Variants in TCF24 observed in about 807,000 individuals in gnomAD.
TCF24 encodes transcription factor 24.
TCF24 carries 5 observed loss-of-function variants against 9.3 expected under a neutral mutation model. The observed-to-expected ratio is 0.54, with a 90% CI of 0.28 to 1.13. The LOEUF is 1.13. Among genes scored for constraint, TCF24 ranks in the 50% most tolerant of loss-of-function variants. The probability of loss-of-function intolerance (pLI) is 0.09; values close to 1 mark genes in which losing one functional copy is unlikely to be tolerated. For synonymous variants in TCF24, 110 were observed against 115.8 expected (o/e 0.95, Z 0.32); for missense variants, 220 against 236.1 (o/e 0.93, Z 0.45).
chr8:66,962,415 C>T lies in TCF24; in HGVS notation c.-221G>A, dbSNP rs1039082886. 6.6e-6 allele frequency: 1 copy of T among 152,444 alleles called. No homozygotes were observed. Among genetic ancestry groups the T allele is most frequent in the Non-Finnish European group, 1.5e-5 (1 of 68,230 alleles). The allele number at this position is 152,444 out of a possible 1,614,324, so 9.4% of individuals were successfully genotyped here. Reference sequence around the variant, plus strand: ...CAGGGCCTGTGTGGCCAGGGCCGCGCTGGTCACTCCATCCTCGTCCGGCCG... The same window carrying T: ...CAGGGCCTGTGTGGCCAGGGCCGCGTTGGTCACTCCATCCTCGTCCGGCCG... On this transcript the variant is annotated 5_prime_UTR_variant, in exon 1 of 4. Transcript: ENST00000563496.
At chr8:66,949,148 C>T (rs928120512) in intron 3 of TCF24, among the ~76,000 whole-genome samples, 6 of 151,040 alleles carry the variant, frequency 4.0e-5, no homozygotes, top group African/African-American at 9.8e-5. Flanking sequence ...TACATGTGCA[C>T]ATTGTGCAGG....
chr8:66,953,051 T>C (rs1814083859), intron 3 of TCF24, among the ~76,000 whole-genome samples: 1 of 140,150 alleles, frequency 7.1e-6, no homozygotes, highest in Non-Finnish European at 1.5e-5. Context: ...CTTTATCCAA[T>C]TTGCCAGTCT....
chr8:66,958,234 T>A (rs1362400612), intron 3 of TCF24, among the ~76,000 whole-genome samples: 1 of 152,164 alleles, frequency 6.6e-6, no homozygotes, highest in East Asian at 1.9e-4. Context: ...GTTGACTGAT[T>A]TACATTTTCT....
At chr8:66,953,837 T>C (rs1585943060) in intron 3 of TCF24, among the ~76,000 whole-genome samples, 1 of 152,178 alleles carries the variant, frequency 6.6e-6, no homozygotes, top group Non-Finnish European at 1.5e-5. Flanking sequence ...TCGCTTCATT[T>C]CATTCATTTC....
intron 3 of TCF24, among the ~76,000 whole-genome samples, chr8:66,956,603 C>G (rs57524076): frequency 1.3e-5 from 2 of 151,466 alleles, no homozygotes; most frequent in African/African-American, 4.9e-5. Flanking sequence ...CCGCAAGTGA[C>G]CCGCCCGCCT....
intron 3 of TCF24, among the ~76,000 whole-genome samples, chr8:66,954,680 C>A (rs1180186732): frequency 3.9e-5 from 6 of 152,272 alleles, no homozygotes; most frequent in Admixed American, 1.3e-4. Flanking sequence ...ATGGCGGGCG[C>A]CCCTCCCCCA....
chr8:66,960,397 T>C (rs1214177040), intron 3 of TCF24, among the ~76,000 whole-genome samples: 1 of 152,102 alleles, frequency 6.6e-6, no homozygotes, highest in African/African-American at 2.4e-5. Flanking sequence ...TAAAGCTAAG[T>C]CTTAAGTCTT....
intron 3 of TCF24, among the ~76,000 whole-genome samples, chr8:66,958,533 C>T (rs183170368): frequency 4.6e-4 from 70 of 152,166 alleles, no homozygotes; most frequent in South Asian, 1.2e-3. Flanking sequence ...TGGTATTGCA[C>T]GCCTATAGTC....
chr8:66,952,992 T>C (rs1465687542), intron 3 of TCF24, among the ~76,000 whole-genome samples: 1 of 137,798 alleles, frequency 7.3e-6, no homozygotes, highest in Non-Finnish European at 1.6e-5. Context: ...TGTGTGTCTC[T>C]GCACGTGAGA....
chr8:66,957,838 A>T lies in TCF24; in HGVS notation c.390+3538T>A, dbSNP rs1814184933. Among the ~76,000 whole-genome samples, 3 of 149,274 alleles carry T rather than the reference A, an allele frequency of 2.0e-5. No homozygotes were observed. In the Admixed American group the frequency reaches 2.0e-4, roughly 10 times the overall value. On this transcript the variant is annotated intron_variant, in intron 3 of 3. Coordinates refer to ENST00000563496, the MANE Select transcript of TCF24 (RefSeq NM_001193502.2). The stretch of plus-strand genomic sequence containing the variant: ...GCAAATAAAATTAAAATACTACTGA[A>T]TGCTCTACTGGTGGTCCTCTTACAT...
At chr8:66,949,757 T>C (rs1814026871) in intron 3 of TCF24, among the ~76,000 whole-genome samples, 1 of 151,446 alleles carries the variant, frequency 6.6e-6, no homozygotes, top group African/African-American at 2.4e-5. Flanking sequence ...CCACATCCTC[T>C]CCAGCACCTG....
At chr8:66,958,690 A>G (rs1814206712) in intron 3 of TCF24, among the ~76,000 whole-genome samples, 1 of 152,118 alleles carries the variant, frequency 6.6e-6, no homozygotes, top group Admixed American at 6.5e-5. Flanking sequence ...GCACTTAATT[A>G]AGTGACTCAA....
In TCF24 at chr8:66,946,615, C is replaced by G. The variant is rs1447025298; in HGVS notation, c.*1436G>C. On this transcript the variant is annotated 3_prime_UTR_variant, in exon 4 of 4. Coordinates refer to ENST00000563496, the MANE Select transcript of TCF24 (RefSeq NM_001193502.2). ...TGAGTGAAAATATGCAATTTCTCCT[C>G]TGTAAACATACCAAAACCTATCATC... is the stretch of plus-strand genomic sequence containing the variant. The G allele has an allele frequency of 6.6e-6, 1 of 152,154 alleles. No individual in the cohort carries two copies. The highest frequency in any genetic ancestry group is 1.5e-5 in the Non-Finnish European group (1 of 68,018). 9.4% of individuals were successfully genotyped at this position (152,154 alleles called of 1,614,324 possible). A position where few individuals can be genotyped will look rare whatever the true frequency, so the allele number is the denominator to read the frequency against.
chr8:66,953,021 C>T (rs1814083285), intron 3 of TCF24, among the ~76,000 whole-genome samples: 1 of 138,370 alleles, frequency 7.2e-6, no homozygotes, highest in Non-Finnish European at 1.6e-5. Flanking sequence ...CTGAATACAG[C>T]ACACTGATGG....
At chr8:66,952,572 T>C (rs1223107631) in intron 3 of TCF24, among the ~76,000 whole-genome samples, 1 of 151,688 alleles carries the variant, frequency 6.6e-6, no homozygotes, top group African/African-American at 2.4e-5. Flanking sequence ...GCATATTCTG[T>C]TGATTTGGGG....
chr8:66,959,513 T>G (rs973490009), intron 3 of TCF24, among the ~76,000 whole-genome samples: 4 of 152,234 alleles, frequency 2.6e-5, no homozygotes, highest in African/African-American at 9.6e-5. Flanking sequence ...CTCTTTCCTC[T>G]GAACTTCCGT....
chr8:66,953,714 C>A lies in TCF24; in HGVS notation c.391-5550G>T, dbSNP rs1427838013. On this transcript the variant is annotated intron_variant, in intron 3 of 3. Coordinates refer to ENST00000563496, the MANE Select transcript of TCF24 (RefSeq NM_001193502.2). ...GTTTTCCAACTTGGTTCCATTCTCCCCGTCACTTTCAGGTACACCAATCAG... is the reference window on the plus strand; with the variant it reads ...GTTTTCCAACTTGGTTCCATTCTCCACGTCACTTTCAGGTACACCAATCAG... Among the ~76,000 whole-genome samples the A allele has an allele frequency of 1.2e-3, 185 of 152,036 alleles. 1 individual carries two copies. The highest frequency in any genetic ancestry group is 4.3e-3 in the African/African-American group (178 of 41,346).
intron 1 of TCF24, among the ~76,000 whole-genome samples, 167 bp from the exon 2 acceptor site, chr8:66,962,154 G>A (rs1814270079): frequency 1.3e-5 from 2 of 152,250 alleles, no homozygotes; most frequent in South Asian, 4.1e-4. Context: ...AGGTGGCGCG[G>A]CTCCTTCTCG....
intron 3 of TCF24, among the ~76,000 whole-genome samples, chr8:66,949,238 A>G (rs1156490652): frequency 2.0e-5 from 3 of 151,844 alleles, no homozygotes; most frequent in Admixed American, 6.6e-5. Context: ...ATATCTCCCA[A>G]TGCTATCCCT....
Sources: allele counts gnomAD v4.1 joint callset (sites outside exome capture counted in the v4.1 genomes callset), GRCh38; gene constraint gnomAD v4.1.1; transcripts MANE v1.5; gene names NCBI Gene and HGNC (gene_info 2026-07-23, HGNC 2026-07-21).